Variants in VPS13A observed in about 807,000 individuals in gnomAD.
VPS13A encodes vacuolar protein sorting 13 homolog A, also known as intermembrane lipid transfer protein VPS13A.
In VPS13A, 264 loss-of-function variants were observed where a neutral mutation model predicts 390.9. The observed-to-expected ratio is 0.68, with a 90% CI of 0.61 to 0.75. The LOEUF (loss-of-function observed/expected upper bound fraction) is 0.75, where lower values mean the gene tolerates loss of function less well. VPS13A is among the 30% of genes least tolerant of loss of function. The pLI, the probability that VPS13A is intolerant of heterozygous loss-of-function variation, is 0.00. For synonymous variants in VPS13A, 1,231 were observed against 1,227.1 expected, an observed-to-expected ratio of 1.00 and a Z score of -0.07; for missense variants, 3,409 against 3,733.9, an observed-to-expected ratio of 0.91 and a Z score of 2.27.
rs752531441 is a variant in VPS13A, at chr9:77,303,014, C to T, written c.3912C>T (p.Tyr1304=). 1.1e-5 allele frequency: 18 copies of T among 1,613,898 alleles called. No homozygotes were observed. In the Middle Eastern group the frequency reaches 1.2e-3, roughly 104 times the overall value. ...AACGAAATTTATGCTGGGAGTGGTA[C>T]CAGGAAGTTCCTTGTTTTAATGTAA... The part of the protein sequence containing the change: ...VVERNLCWEW[Y]QEVPCFNVNA... Residue 1304 remains tyrosine, a synonymous_variant, in exon 34 of 72, where the codon TAC becomes TAT. Coordinates refer to ENST00000360280, the MANE Select transcript of VPS13A (RefSeq NM_033305.3).
intron 34 of VPS13A, among the ~76,000 whole-genome samples, chr9:77,305,914 T>C (rs72744287): frequency 0.057 from 8,739 of 152,318 alleles, 370 homozygotes; most frequent in South Asian, 0.12. Context: ...TACAGTTCTT[T>C]GAACTTCCTC....
At chr9:77,283,514 A>G (rs1055381715) in intron 30 of VPS13A, 33 bp from the exon 31 acceptor site, 1 of 1,608,608 alleles carries the variant, frequency 6.2e-7, no homozygotes, top group African/African-American at 1.3e-5. Context: ...ACATTAAATG[A>G]AAGAAAAGGC....
intron 1 of VPS13A, among the ~76,000 whole-genome samples, chr9:77,197,298 C>T (rs2131095139): frequency 6.6e-6 from 1 of 152,156 alleles, no homozygotes; most frequent in African/African-American, 2.4e-5. Flanking sequence ...AGTATTAAGT[C>T]CTATATTTCC....
chr9:77,348,732 C>T lies in VPS13A; in HGVS notation c.7290-2585C>T, dbSNP rs1831301792. Among the ~76,000 whole-genome samples, 2 of 152,108 alleles carry T rather than the reference C, an allele frequency of 1.3e-5. 1 individual carries two copies. The highest frequency in any genetic ancestry group is 4.1e-4 in the South Asian group (2 of 4,824). ...TACATATGTAGATTGCAGCATTCGT[C>T]ACATTGTGTTACTTTCTTGTGAGTT... On this transcript the variant is annotated intron_variant, in intron 52 of 71. Transcript: ENST00000360280.
At chr9:77,216,034 G>C (rs1199185391) in intron 10 of VPS13A, among the ~76,000 whole-genome samples, 2 of 152,190 alleles carry the variant, frequency 1.3e-5, no homozygotes, top group African/African-American at 4.8e-5. Flanking sequence ...TGTAGGAGCT[G>C]GGTGTGGGAG....
At chr9:77,247,110 T>G in intron 19 of VPS13A, 149 bp from the exon 20 acceptor site, 1 of 611,880 alleles carries the variant, frequency 1.6e-6, no homozygotes, top group Non-Finnish European at 2.6e-6. Flanking sequence ...GTATTTTAAA[T>G]TTTATATTGG....
Position 77,319,639 on chromosome 9 carries a change from C to T in VPS13A, c.5381C>T (p.Thr1794Ile), listed in dbSNP as rs759430750. Residue 1794 changes from threonine (T) to isoleucine (I), a missense_variant, in exon 42 of 72, where the codon ACT becomes ATT. Around this residue, in one of 5 missense-constraint regions of VPS13A, gnomAD observed 2,717 missense variants for 2,917.4 expected, o/e 0.93. Transcript: ENST00000360280. ...PLLEPLEIDQ[T>I]EDFRPWNLGI... is the part of the protein sequence containing the mutation. ...CTTGAACCCTTAGAAATTGATCAGA[C>T]TGAGGATTTTAGACCATGGAATCTT... 1 of 1,610,770 alleles carries T rather than the reference C, an allele frequency of 6.2e-7. No individual in the cohort carries two copies. Among genetic ancestry groups the T allele is most frequent in the Non-Finnish European group, 8.5e-7 (1 of 1,177,624 alleles).
intron 26 of VPS13A, among the ~76,000 whole-genome samples, chr9:77,276,540 A>T (rs1826681237): frequency 6.6e-6 from 1 of 152,222 alleles, no homozygotes; most frequent in South Asian, 2.1e-4. Context: ...GTGCTTAAAA[A>T]CAACACAAAT....
intron 6 of VPS13A, among the ~76,000 whole-genome samples, chr9:77,210,160 C>CTCT (rs1825888028): frequency 3.7e-5 from 4 of 107,514 alleles, no homozygotes; most frequent in East Asian, 3.1e-4. Context: ...CCCCCACCTC[C>CTCT]CTCTCTCTCT....
rs138767500 is a variant in VPS13A at position 77,370,556 on chromosome 9, G to T, written c.8885G>T (p.Arg2962Leu). The change falls in exon 65 of 72, where the codon CGT becomes CTT. Residue 2962 changes from arginine (R) to leucine (L), a missense_variant. Physicochemically the swap from Arg to Leu is moderately radical, Grantham distance 102. Transcript: ENST00000360280. ...QPAGFREGIT[R>L]GGKGLVSGFV... ...GCTGGTTTTAGAGAAGGCATCACTC[G>T]TGGAGGAAAAGGCTTAGTTTCTGTA... 2.5e-6 allele frequency: 4 copies of T among 1,614,136 alleles called. No homozygotes were observed. The highest frequency in any genetic ancestry group is 3.3e-5 in the Admixed American group (2 of 60,020).
chr9:77,394,435 G>A (rs745807130), intron 68 of VPS13A, among the ~76,000 whole-genome samples: 7 of 152,046 alleles, frequency 4.6e-5, no homozygotes, highest in Non-Finnish European at 7.4e-5. Context: ...CAGGCATGGC[G>A]GCAGCCACCT....
At chr9:77,335,057 A>G (rs1198927349) in intron 46 of VPS13A, among the ~76,000 whole-genome samples, 1 of 152,220 alleles carries the variant, frequency 6.6e-6, no homozygotes, top group African/African-American at 2.4e-5. Context: ...GATATTTGAC[A>G]TTTTAGGAGT....
intron 67 of VPS13A, among the ~76,000 whole-genome samples, chr9:77,373,802 C>G (rs1241929352): frequency 1.3e-5 from 2 of 151,606 alleles, no homozygotes; most frequent in Non-Finnish European, 2.9e-5. Context: ...AAAAAACAAA[C>G]AACCCCATCA....
chr9:77,294,169 C>T (rs909672963), intron 32 of VPS13A, among the ~76,000 whole-genome samples: 2 of 152,128 alleles, frequency 1.3e-5, no homozygotes, highest in African/African-American at 4.8e-5. Context: ...GATCCTCCTG[C>T]TTTGGCCTCC....
At chr9:77,331,451 T>G (rs1830270251) in intron 45 of VPS13A, among the ~76,000 whole-genome samples, 1 of 152,100 alleles carries the variant, frequency 6.6e-6, no homozygotes, top group Non-Finnish European at 1.5e-5. Flanking sequence ...TTGTATTTTC[T>G]TGATTACTAG....
chr9:77,332,059 T>C lies in VPS13A; in HGVS notation c.6041T>C (p.Leu2014Ser). 2 of 1,612,438 alleles carry C rather than the reference T, an allele frequency of 1.2e-6. No homozygotes were observed. The highest frequency in any genetic ancestry group is 1.7e-6 in the Non-Finnish European group (2 of 1,178,856). The change falls in exon 46 of 72, where the codon TTA (leucine) becomes TCA (serine). Residue 2014 changes from leucine (L) to serine (S), a missense_variant. By Grantham distance (145) the Leu-to-Ser change is moderately radical (BLOSUM62 -2). This residue lies in a region of VPS13A where 2,717 missense variants were observed against 2,917.4 expected (regional missense o/e 0.93). Transcript: ENST00000360280. Reference sequence around the variant, plus strand: ...CTGTCTGTTTACGAAGGGGATACCTTATTGGGAACTGCCTCACCTGAAAAT... The same window carrying C: ...CTGTCTGTTTACGAAGGGGATACCTCATTGGGAACTGCCTCACCTGAAAAT... ...VPLSVYEGDT[L>S]LGTASPENEF...
intron 68 of VPS13A, chr9:77,382,686 G>T (rs1004217790): frequency 2.0e-6 from 2 of 990,894 alleles, no homozygotes; most frequent in Non-Finnish European, 2.4e-6. Flanking sequence ...TTGGATTCTT[G>T]TGCTTTGCCT....
intron 17 of VPS13A, among the ~76,000 whole-genome samples, chr9:77,236,826 T>C (rs1824175552): frequency 6.6e-6 from 1 of 152,192 alleles, no homozygotes; most frequent in Non-Finnish European, 1.5e-5. Flanking sequence ...TAACGTGGTG[T>C]GGGGATTAGA....
intron 51 of VPS13A, 76 bp downstream of exon 51, chr9:77,344,357 G>T: frequency 5.5e-6 from 8 of 1,467,730 alleles, no homozygotes; most frequent in Non-Finnish European, 7.5e-6. Context: ...TTTATTTTTT[G>T]TATCAAATAA....
Sources: gnomAD v4.1 joint callset for allele counts (sites outside exome capture counted in the v4.1 genomes callset) on GRCh38, gnomAD v4.1.1 for gene constraint, gnomAD v4.1.1 regional missense constraint, MANE v1.5 for transcripts, NCBI Gene and HGNC (gene_info 2026-07-23, HGNC 2026-07-21) for gene names.